The following MTRES1 variants were observed in gnomAD, a reference collection of about 807,000 sequenced individuals.
The protein encoded by MTRES1 is uncharacterized protein C6orf203.
A neutral mutation model predicts 17.4 loss-of-function variants in MTRES1; 11 were observed. The observed-to-expected ratio is 0.63, with a 90% CI of 0.40 to 1.05. The LOEUF (loss-of-function observed/expected upper bound fraction) is 1.05, where lower values mean the gene tolerates loss of function less well. Among genes scored for constraint, MTRES1 ranks in the 50% least tolerant of loss-of-function variants. The probability of loss-of-function intolerance (pLI) is 0.00; values close to 1 mark genes in which losing one functional copy is unlikely to be tolerated. For missense variants in MTRES1, 268 were observed against 276.2 expected (o/e 0.97, Z 0.21); for synonymous variants, 94 against 99.6 (o/e 0.94, Z 0.34).
intron 3 of MTRES1, 134 bp from the exon 4 acceptor site, chr6:107,050,923 C>T (rs782453355): frequency 5.6e-6 from 4 of 713,662 alleles, no homozygotes; most frequent in Non-Finnish European, 7.2e-6. Context: ...GTGACAGTGA[C>T]TAAGGTCAGG....
chr6:107,047,143 C>T, intron 3 of MTRES1, among the ~76,000 whole-genome samples: 1 of 152,176 alleles, frequency 6.6e-6, no homozygotes, highest in East Asian at 1.9e-4. Context: ...CTTCTCTATC[C>T]AGAGGCAGAC....
At chr6:107,050,972 G>A in intron 3 of MTRES1, 85 bp from the exon 4 acceptor site, 2 of 1,098,236 alleles carry the variant, frequency 1.8e-6, no homozygotes, top group Non-Finnish European at 2.7e-6. Flanking sequence ...TCATGATCAT[G>A]TGGTGAAAAC....
At chr6:107,034,997 G>A (rs199741037) in intron 1 of MTRES1, among the ~76,000 whole-genome samples, 1 of 151,546 alleles carries the variant, frequency 6.6e-6, no homozygotes, top group East Asian at 2.0e-4. Context: ...TAAAAAAAAA[G>A]AAGACTTGAC....
intron 1 of MTRES1, among the ~76,000 whole-genome samples, chr6:107,038,232 C>T (rs180954846): frequency 5.1e-4 from 78 of 152,096 alleles, no homozygotes; most frequent in South Asian, 8.3e-4. Flanking sequence ...TTTGAGTGAG[C>T]CATAATCAGA....
intron 3 of MTRES1, among the ~76,000 whole-genome samples, chr6:107,048,820 C>G (rs1774488579): frequency 6.6e-6 from 1 of 150,880 alleles, no homozygotes; most frequent in Non-Finnish European, 1.5e-5. Flanking sequence ...ACCAGCAGAA[C>G]TACAGAAGGG....
chr6:107,033,834 A>G (rs1053882777), intron 1 of MTRES1, among the ~76,000 whole-genome samples: 35 of 152,178 alleles, frequency 2.3e-4, no homozygotes, highest in African/African-American at 7.9e-4. Context: ...AATAATAATA[A>G]TAACAAAGTT....
intron 3 of MTRES1, among the ~76,000 whole-genome samples, chr6:107,049,065 C>G (rs557166209): frequency 6.6e-6 from 1 of 152,214 alleles, no homozygotes. Context: ...ATGTTGTGGA[C>G]TGACTGTTGG....
chr6:107,040,916 C>A (rs182573), intron 2 of MTRES1: 151,443 of 151,710 alleles, frequency 1, 75,589 homozygotes, highest in Middle Eastern at 1. Flanking sequence ...ATGATGTATA[C>A]TAAGATGTTG....
rs117646640 is a variant in MTRES1 at position 107,050,027 on chromosome 6, G to A, written c.544-1030G>A. ...TGAACCACTGTGCTCGGCCCTGTTTGGCCCTTCTTGAGTGTCTGGAAAGAT... is the reference window on the plus strand; with the variant it reads ...TGAACCACTGTGCTCGGCCCTGTTTAGCCCTTCTTGAGTGTCTGGAAAGAT... On this transcript the variant is annotated intron_variant, in intron 3 of 3. Transcript: ENST00000311381. 3.7e-3 allele frequency among the ~76,000 whole-genome samples: 566 copies of A among 152,218 alleles called. 5 individuals carry two copies. The South Asian group carries it at 0.039, about 11-fold the overall frequency.
At chr6:107,040,541 A>T (rs1774165175) in intron 2 of MTRES1, 1 of 211,460 alleles carries the variant, frequency 4.7e-6, no homozygotes. Context: ...AGCAAACGTA[A>T]AATGTACCTG....
intron 1 of MTRES1, 188 bp downstream of exon 1, chr6:107,028,459 C>T (rs1241825177): frequency 1.3e-5 from 2 of 152,360 alleles, no homozygotes. Flanking sequence ...CGAAGCCTTC[C>T]GTTCCTGCCT....
chr6:107,050,994 A>G, intron 3 of MTRES1, 63 bp from the exon 4 acceptor site: 8 of 1,353,988 alleles, frequency 5.9e-6, no homozygotes, highest in Non-Finnish European at 8.3e-6. Flanking sequence ...CAGAGCAGTA[A>G]TGTTTGCATT....
intron 1 of MTRES1, chr6:107,028,849 G>A: frequency 1.0e-6 from 1 of 983,312 alleles, no homozygotes; most frequent in Non-Finnish European, 1.2e-6. Flanking sequence ...AACCTCCTAT[G>A]GGATTCTGCC....
At chr6:107,033,221 T>A (rs886154397) in intron 1 of MTRES1, among the ~76,000 whole-genome samples, 27 of 152,114 alleles carry the variant, frequency 1.8e-4, no homozygotes, top group Non-Finnish European at 1.5e-4. Flanking sequence ...TGGGAGATAA[T>A]TTGTGACTTA....
chr6:107,029,497 T>G (rs2354556), intron 1 of MTRES1, among the ~76,000 whole-genome samples: 33,065 of 118,282 alleles, frequency 0.28, 4,093 homozygotes, highest in Middle Eastern at 0.42. Flanking sequence ...TGTTTTGTTG[T>G]TTTTTTTTTT....
chr6:107,045,882 A>G (rs1481528367), intron 3 of MTRES1, among the ~76,000 whole-genome samples: 1 of 152,186 alleles, frequency 6.6e-6, no homozygotes, highest in Non-Finnish European at 1.5e-5. Context: ...CTGGGGTTGG[A>G]GGATCCGAAC....
chr6:107,037,007 T>G (rs963523912), intron 1 of MTRES1, among the ~76,000 whole-genome samples: 4 of 152,108 alleles, frequency 2.6e-5, no homozygotes, highest in Non-Finnish European at 5.9e-5. Flanking sequence ...CTCAAACTCC[T>G]GGGCTCAAGC....
chr6:107,048,221 G>C (rs1327191458), intron 3 of MTRES1, among the ~76,000 whole-genome samples: 1 of 151,850 alleles, frequency 6.6e-6, no homozygotes, highest in Non-Finnish European at 1.5e-5. Context: ...TGCAACCTCT[G>C]CCTCCCAGGT....
chr6:107,031,255 C>G (rs1189315872), intron 1 of MTRES1, among the ~76,000 whole-genome samples: 3 of 151,608 alleles, frequency 2.0e-5, no homozygotes, highest in African/African-American at 7.3e-5. Context: ...TGGTGGGCGC[C>G]TGTAATCCCA....
Sources: gnomAD v4.1 joint callset for allele counts (sites outside exome capture counted in the v4.1 genomes callset) on GRCh38, gnomAD v4.1.1 for gene constraint, MANE v1.5 for transcripts, NCBI Gene and HGNC (gene_info 2026-07-23, HGNC 2026-07-21) for gene names.